RBFOX1: variants seen among roughly 807,000 people sequenced by gnomAD.
The protein encoded by RBFOX1 is RNA binding fox-1 homolog 1, also known as RNA binding protein fox-1 homolog 1.
A neutral mutation model predicts 57.7 loss-of-function variants in RBFOX1; 8 were observed. The observed-to-expected ratio is 0.14, with a 90% CI of 0.08 to 0.25. The LOEUF (loss-of-function observed/expected upper bound fraction) is 0.25. Among genes scored for constraint, RBFOX1 ranks in the 10% least tolerant of loss-of-function variants. The pLI, the probability that RBFOX1 is intolerant of heterozygous loss-of-function variation, is 1.00. For missense variants in RBFOX1, 611 were observed against 548.5 expected, an observed-to-expected ratio of 1.11 and a Z score of -1.14; for synonymous variants, 326 against 222.4, an observed-to-expected ratio of 1.47 and a Z score of -4.15.
At chr16:7,422,096 T>C (rs931052361) in intron 4 of RBFOX1, among the ~76,000 whole-genome samples, 2 of 152,036 alleles carry the variant, frequency 1.3e-5, no homozygotes, top group African/African-American at 4.8e-5. Context: ...AGAAATGGAG[T>C]TGGCTTTGGT....
intron 2 of RBFOX1, among the ~76,000 whole-genome samples, chr16:5,581,457 A>G (rs1397298953): frequency 2.0e-5 from 3 of 152,248 alleles, no homozygotes; most frequent in Non-Finnish European, 2.9e-5. Context: ...AATGGAGTAC[A>G]CGAGTCAGTG....
chr16:5,379,299 GT>G lies in RBFOX1; in HGVS notation c.220-87909del, dbSNP rs965610472. ...TTAAAATATGAAAGCAGTTTTTATC[GT>G]TTTTTTTCTCAGTTATTTTATCTTT... On this transcript the variant is annotated intron_variant, in intron 1 of 2. Coordinates refer to the RBFOX1 transcript ENST00000585867. 3.7e-4 allele frequency among the ~76,000 whole-genome samples: 56 copies of G among 151,056 alleles called. 2 individuals are homozygous for G. Among genetic ancestry groups the G allele is most frequent in the African/African-American group, 1.2e-3 (49 of 40,700 alleles).
rs765689176 is a variant in RBFOX1 at position 7,710,997 on chromosome 16, T to G, written c.*252T>G. 1 of 389,744 alleles carries G rather than the reference T, an allele frequency of 2.6e-6. No individual in the cohort carries two copies. The highest frequency in any genetic ancestry group is 4.4e-6 in the Non-Finnish European group (1 of 227,520). The allele number at this position is 389,744 out of a possible 1,614,324, so 24.1% of individuals were successfully genotyped here. A position where few individuals can be genotyped will look rare whatever the true frequency, so the allele number is the denominator to read the frequency against. On this transcript the variant is annotated 3_prime_UTR_variant, in exon 16 of 16. Transcript: ENST00000550418. ...TGGCTGTAGGAGTTTTTGTGGTTGA[T>G]CTAGACAGATGCTAGATAATGAATA...
chr16:7,526,406 A>G (rs1204296302), intron 5 of RBFOX1, among the ~76,000 whole-genome samples: 1 of 152,064 alleles, frequency 6.6e-6, no homozygotes, highest in African/African-American at 2.4e-5. Context: ...TTGACCCTCC[A>G]TTCTGCTTAC....
chr16:6,990,589 C>A (rs2091262892), intron 3 of RBFOX1, among the ~76,000 whole-genome samples: 1 of 151,980 alleles, frequency 6.6e-6, no homozygotes, highest in South Asian at 2.1e-4. Flanking sequence ...TAAAATATAT[C>A]CAAGTTTACC....
intron 3 of RBFOX1, among the ~76,000 whole-genome samples, chr16:5,862,498 G>A (rs1215513457): frequency 6.6e-6 from 1 of 152,192 alleles, no homozygotes; most frequent in Non-Finnish European, 1.5e-5. Flanking sequence ...CAATCAGTGA[G>A]AGGGGAAGGG....
chr16:6,366,172 C>T (rs1355937389), intron 2 of RBFOX1, among the ~76,000 whole-genome samples: 3 of 151,050 alleles, frequency 2.0e-5, no homozygotes, highest in Non-Finnish European at 4.4e-5. Flanking sequence ...ATATTTATAC[C>T]TGGAACATAT....
intron 4 of RBFOX1, among the ~76,000 whole-genome samples, chr16:7,283,884 G>A (rs897311893): frequency 2.6e-5 from 4 of 152,106 alleles, no homozygotes; most frequent in African/African-American, 7.2e-5. Context: ...AACCACCAGC[G>A]TCCGCATGAT....
At chr16:6,409,697 G>A (rs988566740) in intron 2 of RBFOX1, among the ~76,000 whole-genome samples, 1 of 152,164 alleles carries the variant, frequency 6.6e-6, no homozygotes, top group African/African-American at 2.4e-5. Context: ...AAAAGGTTTC[G>A]GCTAAAATTT....
chr16:7,171,982 T>C (rs910987551), intron 4 of RBFOX1, among the ~76,000 whole-genome samples: 2 of 152,178 alleles, frequency 1.3e-5, no homozygotes, highest in African/African-American at 4.8e-5. Context: ...AGCTGTGTAG[T>C]ATAGTAGGAA....
intron 1 of RBFOX1, among the ~76,000 whole-genome samples, chr16:6,160,416 A>G (rs923848413): frequency 6.6e-6 from 1 of 152,148 alleles, no homozygotes; most frequent in African/African-American, 2.4e-5. Context: ...ATACTTGTCT[A>G]AAATAGGGAA....
intron 1 of RBFOX1, among the ~76,000 whole-genome samples, chr16:6,213,693 C>A (rs1310297152): frequency 6.6e-6 from 1 of 152,178 alleles, no homozygotes; most frequent in African/African-American, 2.4e-5. Flanking sequence ...TGGTTTAAAT[C>A]ATTCTGTGCT....
intron 2 of RBFOX1, among the ~76,000 whole-genome samples, chr16:5,517,870 A>G (rs2043851218): frequency 6.6e-6 from 1 of 152,122 alleles, no homozygotes; most frequent in Non-Finnish European, 1.5e-5. Flanking sequence ...ACACGTACAT[A>G]TACTGGCTTT....
chr16:5,858,724 G>A (rs1327298886), intron 3 of RBFOX1, among the ~76,000 whole-genome samples: 2 of 152,236 alleles, frequency 1.3e-5, no homozygotes, highest in Admixed American at 6.5e-5. Flanking sequence ...CATTGGACAT[G>A]TCTGGAGCCT....
chr16:6,975,209 C>T (rs1168268718), intron 3 of RBFOX1, among the ~76,000 whole-genome samples: 7 of 152,072 alleles, frequency 4.6e-5, no homozygotes, highest in South Asian at 2.1e-4. Context: ...ATCTGCCCGA[C>T]GCACAGAATT....
At chr16:7,509,573 A>G (rs760438879) in intron 4 of RBFOX1, among the ~76,000 whole-genome samples, 1 of 152,210 alleles carries the variant, frequency 6.6e-6, no homozygotes, top group African/African-American at 2.4e-5. Flanking sequence ...CTTGTCTAAG[A>G]TTACACAGCC....
chr16:7,170,791 C>G (rs768846782), intron 4 of RBFOX1, among the ~76,000 whole-genome samples: 21 of 152,132 alleles, frequency 1.4e-4, no homozygotes, highest in Non-Finnish European at 2.2e-4. Flanking sequence ...AAACATGTAG[C>G]TTATTAAGGT....
intron 2 of RBFOX1, among the ~76,000 whole-genome samples, chr16:5,590,070 CACACACA>C (rs998049160): frequency 4.6e-4 from 45 of 97,680 alleles, no homozygotes; most frequent in African/African-American, 6.8e-4. Flanking sequence ...CACACACACA[CACACACA>C]AAAAGGGCAG....
chr16:6,614,571 G>A (rs764823364), intron 2 of RBFOX1, among the ~76,000 whole-genome samples: 2 of 152,104 alleles, frequency 1.3e-5, no homozygotes, highest in Admixed American at 6.6e-5. Context: ...AAATGTCTTC[G>A]CCTAGTTCTG....
Sources: gnomAD v4.1 joint callset for allele counts (sites outside exome capture counted in the v4.1 genomes callset) on GRCh38, gnomAD v4.1.1 for gene constraint, MANE v1.5 for transcripts, NCBI Gene and HGNC (gene_info 2026-07-23, HGNC 2026-07-21) for gene names.